The following PCDHGA1 variants were observed in gnomAD, a reference collection of about 807,000 sequenced individuals.
The protein encoded by PCDHGA1 is protocadherin gamma-A1.
PCDHGA1 carries 32 observed loss-of-function variants against 58.0 expected under a neutral mutation model. The observed-to-expected ratio is 0.55, with a 90% CI of 0.42 to 0.74. The LOEUF is 0.74. Among genes scored for constraint, PCDHGA1 ranks in the 30% least tolerant of loss-of-function variants. PCDHGA1 has a pLI of 0.00. For synonymous variants in PCDHGA1, 498 were observed against 501.1 expected (o/e 0.99, Z 0.08); for missense variants, 1,205 against 1,182.3 (o/e 1.02, Z -0.28).
At chr5:141,455,740 G>C (rs2098830344) in intron 1 of PCDHGA1, among the ~76,000 whole-genome samples, 1 of 152,136 alleles carries the variant, frequency 6.6e-6, no homozygotes, top group Non-Finnish European at 1.5e-5. Context: ...GCATATCAAA[G>C]GTTGCTGGCC....
At chr5:141,356,573 C>G (rs1447765378) in intron 1 of PCDHGA1, 2 of 1,614,090 alleles carry the variant, frequency 1.2e-6, no homozygotes, top group Non-Finnish European at 1.7e-6. Context: ...GCTTCCTACT[C>G]TGCTTACATT....
Position 141,486,954 on chromosome 5 carries a change from C to T in PCDHGA1, c.2422-7853C>T, listed in dbSNP as rs764632268. 3.7e-6 allele frequency: 6 copies of T among 1,614,114 alleles called. 1 individual carries two copies. The South Asian group carries it at 6.6e-5, about 18-fold the overall frequency. On this transcript the variant is annotated intron_variant, in intron 1 of 3. Coordinates refer to ENST00000517417, the MANE Select transcript of PCDHGA1 (RefSeq NM_018912.3). The surrounding 1 kb of genome is among the most constrained non-coding windows in gnomAD (Gnocchi z 5.0). ...GCTGGCCACCTAATCACAAAGGTGA[C>T]TGCTGTGGACTTGGATTCAGGTTAC...
rs1360494290 is a variant in PCDHGA1 at position 141,433,285 on chromosome 5, C to T, written c.2422-61522C>T. On this transcript the variant is annotated intron_variant, in intron 1 of 3. Coordinates refer to ENST00000517417, the MANE Select transcript of PCDHGA1 (RefSeq NM_018912.3). ...CATAGCTCACTGCAGCCTCAAACTCCTAGGCTCAAGCAATTATCCCACCTT... is the reference window on the plus strand; with the variant it reads ...CATAGCTCACTGCAGCCTCAAACTCTTAGGCTCAAGCAATTATCCCACCTT... The T allele has an allele frequency of 6.8e-6, 8 of 1,169,708 alleles. No individual in the cohort carries two copies. In the East Asian group the frequency reaches 1.7e-4, roughly 25 times the overall value. The allele number at this position is 1,169,708 out of a possible 1,614,324, so 72.5% of individuals were successfully genotyped here. A position where few individuals can be genotyped will look rare whatever the true frequency, so the allele number is the denominator to read the frequency against.
At chr5:141,430,448 G>T in intron 1 of PCDHGA1, 1 of 192,294 alleles carries the variant, frequency 5.2e-6, no homozygotes. Flanking sequence ...ATCCCCTTTT[G>T]AAGAACAGTA....
chr5:141,417,713 C>G, intron 1 of PCDHGA1: 1 of 1,271,750 alleles, frequency 7.9e-7, no homozygotes, highest in Non-Finnish European at 1.1e-6. Flanking sequence ...CAGAGGCTCC[C>G]GGCTGCGCAG....
rs547410815 is a variant in PCDHGA1 at position 141,418,658 on chromosome 5, A to T, written c.2422-76149A>T. ...CACCTCCATCCTGAGAGTGAAGGCC[A>T]CTGACCAGGACGAGGGCATCAACTC... is the stretch of plus-strand genomic sequence containing the variant. On this transcript the variant is annotated intron_variant, in intron 1 of 3. Transcript: ENST00000517417. 2.6e-4 allele frequency: 419 copies of T among 1,614,030 alleles called. 6 individuals carry two copies. The South Asian group carries it at 4.2e-3, about 16-fold the overall frequency.
At chr5:141,481,210 G>A (rs1351826116) in intron 1 of PCDHGA1, among the ~76,000 whole-genome samples, 2 of 152,128 alleles carry the variant, frequency 1.3e-5, no homozygotes, top group Admixed American at 1.3e-4. Context: ...TAAAAAACAT[G>A]GTAAGGTCTC....
chr5:141,366,425 G>A, intron 1 of PCDHGA1: 1 of 1,614,148 alleles, frequency 6.2e-7, no homozygotes, highest in South Asian at 1.1e-5. Context: ...GGCAGTGGCT[G>A]CAGTCTCCTG....
intron 1 of PCDHGA1, chr5:141,430,959 T>A: frequency 6.2e-7 from 1 of 1,612,026 alleles, no homozygotes; most frequent in Non-Finnish European, 8.5e-7. Flanking sequence ...GTCCGCATCA[T>A]CCCCAGAGGT....
chr5:141,485,314 T>G lies in PCDHGA1; in HGVS notation c.2422-9493T>G. Reference sequence around the variant, plus strand: ...CACAGGAAGGGACTTTTGTAGGGAATGTCGCTCAAGATTTCCTGCTGGATA... The same window carrying G: ...CACAGGAAGGGACTTTTGTAGGGAAGGTCGCTCAAGATTTCCTGCTGGATA... On this transcript the variant is annotated intron_variant, in intron 1 of 3. Coordinates refer to ENST00000517417, the MANE Select transcript of PCDHGA1 (RefSeq NM_018912.3). This position sits in a 1 kb window ranked among gnomAD's most constrained non-coding sequence, Gnocchi z 5.7. 1 of 1,614,150 alleles carries G rather than the reference T, an allele frequency of 6.2e-7. No individual in the cohort carries two copies. The highest frequency in any genetic ancestry group is 8.5e-7 in the Non-Finnish European group (1 of 1,180,032).
At chr5:141,388,251 A>G in intron 1 of PCDHGA1, 1 of 1,610,692 alleles carries the variant, frequency 6.2e-7, no homozygotes, top group Non-Finnish European at 8.5e-7. Flanking sequence ...GAATGTGGAG[A>G]TCGAGGACAT....
chr5:141,435,804 A>AT (rs2097781092), intron 1 of PCDHGA1, among the ~76,000 whole-genome samples: 1 of 151,814 alleles, frequency 6.6e-6, no homozygotes, highest in Non-Finnish European at 1.5e-5. Flanking sequence ...CGTCCCAATT[A>AT]TTTTTTCTTT....
At chr5:141,345,132 G>T in intron 1 of PCDHGA1, 1 of 1,613,976 alleles carries the variant, frequency 6.2e-7, no homozygotes, top group Non-Finnish European at 8.5e-7. Context: ...AAGAGAAATT[G>T]CTCTTATCGA....
intron 1 of PCDHGA1, chr5:141,378,634 T>C (rs1775059163): frequency 6.6e-6 from 1 of 152,196 alleles, no homozygotes; most frequent in African/African-American, 2.4e-5. Context: ...GACTGGTGAA[T>C]GGGAGAACAA....
At chr5:141,415,071 G>A (rs757356726) in intron 1 of PCDHGA1, 21 of 1,613,422 alleles carry the variant, frequency 1.3e-5, no homozygotes, top group East Asian at 2.2e-5. Flanking sequence ...AGGTGCGCAC[G>A]GCGCGAGCCC....
At chr5:141,497,079 C>T (rs564690352) in intron 2 of PCDHGA1, among the ~76,000 whole-genome samples, 2 of 151,982 alleles carry the variant, frequency 1.3e-5, no homozygotes, top group African/African-American at 4.8e-5. Flanking sequence ...ATCCCAGCGA[C>T]TTAGGAGGCT....
chr5:141,413,224 C>G, intron 1 of PCDHGA1: 1 of 1,613,790 alleles, frequency 6.2e-7, no homozygotes, highest in Non-Finnish European at 8.5e-7. Context: ...TTGCAGCGGG[C>G]TGGTCCTGCT....
intron 1 of PCDHGA1, among the ~76,000 whole-genome samples, chr5:141,336,245 C>T (rs1455125668): frequency 1.3e-5 from 2 of 152,064 alleles, no homozygotes; most frequent in Non-Finnish European, 2.9e-5. Context: ...GAGCCAGGCA[C>T]AATGGCACAC....
Position 141,332,656 on chromosome 5 carries a change from G to T in PCDHGA1, c.1972G>T (p.Val658Phe). 6.2e-7 allele frequency: 1 copy of T among 1,613,324 alleles called. No homozygotes were observed. Among genetic ancestry groups the T allele is most frequent in the Non-Finnish European group, 8.5e-7 (1 of 1,179,818 alleles). ...CGGCCAGCCCCCGCTCTCCGCCACTGTCACGCTCACCGTGGCCGTGGCCGA... is the reference window on the plus strand; with the variant it reads ...CGGCCAGCCCCCGCTCTCCGCCACTTTCACGCTCACCGTGGCCGTGGCCGA... The part of the protein sequence containing the change: ...DHGQPPLSAT[V>F]TLTVAVADRI... The change falls in exon 1 of 4, where the codon GTC becomes TTC. Residue 658 changes from valine (V) to phenylalanine (F), a missense_variant. Coordinates refer to ENST00000517417, the MANE Select transcript of PCDHGA1 (RefSeq NM_018912.3). This position sits in a 1 kb window ranked among gnomAD's most constrained non-coding sequence, Gnocchi z 4.6.
Sources: gnomAD v4.1 joint callset for allele counts (sites outside exome capture counted in the v4.1 genomes callset) on GRCh38, gnomAD v4.1.1 for gene constraint, Gnocchi (gnomAD v3.1) non-coding constraint, MANE v1.5 for transcripts, NCBI Gene and HGNC (gene_info 2026-07-23, HGNC 2026-07-21) for gene names.